Variants in DAB1 observed in about 807,000 individuals in gnomAD.
The protein encoded by DAB1 is DAB adaptor protein 1.
A neutral mutation model predicts 64.6 loss-of-function variants in DAB1; 15 were observed. The ratio of observed to expected loss-of-function variants is 0.23; its 90% confidence interval spans 0.16 to 0.36. The LOEUF is 0.36. Ranked by LOEUF, DAB1 falls within the 10% of genes least tolerant of loss-of-function variation. DAB1 has a pLI of 1.00. For missense variants in DAB1, 596 were observed against 706.7 expected, an observed-to-expected ratio of 0.84 and a Z score of 1.78; for synonymous variants, 235 against 251.9, an observed-to-expected ratio of 0.93 and a Z score of 0.64.
At chr1:57,993,474 G>A (rs947316543) in intron 5 of DAB1, among the ~76,000 whole-genome samples, 5 of 152,100 alleles carry the variant, frequency 3.3e-5, no homozygotes, top group Non-Finnish European at 5.9e-5. Flanking sequence ...ATTCATTTCT[G>A]TAGCTGTTGA....
At chr1:57,305,117 G>A (rs192526347) in intron 1 of DAB1, among the ~76,000 whole-genome samples, 4 of 152,270 alleles carry the variant, frequency 2.6e-5, no homozygotes, top group East Asian at 3.9e-4. Context: ...ATATTTACAC[G>A]TGAGTGGGCT....
chr1:57,090,196 A>G (rs1019775913), intron 4 of DAB1, among the ~76,000 whole-genome samples: 1 of 152,200 alleles, frequency 6.6e-6, no homozygotes, highest in Non-Finnish European at 1.5e-5. Flanking sequence ...AGATGTGCTA[A>G]AAATACAGCT....
At chr1:57,492,008 A>G (rs898051100) in intron 7 of DAB1, among the ~76,000 whole-genome samples, 1 of 152,212 alleles carries the variant, frequency 6.6e-6, no homozygotes, top group Non-Finnish European at 1.5e-5. Context: ...TGGAGCAGAG[A>G]ATGAGTGTTG....
chr1:58,179,482 G>C (rs1656663408), intron 4 of DAB1, among the ~76,000 whole-genome samples: 1 of 152,054 alleles, frequency 6.6e-6, no homozygotes, highest in South Asian at 2.1e-4. Context: ...TTCTTTGTCA[G>C]AAAATCTTTA....
intron 5 of DAB1, among the ~76,000 whole-genome samples, chr1:58,018,591 T>C (rs1646775457): frequency 6.6e-6 from 1 of 152,208 alleles, no homozygotes; most frequent in Non-Finnish European, 1.5e-5. Context: ...CTTAGAGATT[T>C]ATCTGGCAAG....
intron 7 of DAB1, among the ~76,000 whole-genome samples, chr1:57,515,043 C>T (rs1382053711): frequency 6.6e-5 from 10 of 151,770 alleles, no homozygotes; most frequent in Non-Finnish European, 8.8e-5. Flanking sequence ...AGAACGGAAA[C>T]GAAGGTATAT....
intron 6 of DAB1, among the ~76,000 whole-genome samples, chr1:57,665,879 GTGTGTTTGCGTGTGCATGTGTGTGTT>G (rs1047300953): frequency 2.0e-5 from 3 of 149,264 alleles, no homozygotes; most frequent in African/African-American, 7.5e-5. Context: ...GTGTGTGTGT[GTGTGTTTGCGTGTGCATGTGTGTGTT>G]TTTCAAATTT....
intron 6 of DAB1, among the ~76,000 whole-genome samples, chr1:57,717,746 G>GTA (rs749278886): frequency 9.2e-5 from 14 of 151,784 alleles, no homozygotes; most frequent in African/African-American, 2.9e-4. Flanking sequence ...ACATATATGT[G>GTA]TATATATATA....
intron 2 of DAB1, among the ~76,000 whole-genome samples, chr1:57,209,102 T>C (rs529879642): frequency 6.6e-6 from 1 of 152,298 alleles, no homozygotes; most frequent in East Asian, 1.9e-4. Context: ...TTAGTAAATA[T>C]GTGATGGAGG....
intron 4 of DAB1, among the ~76,000 whole-genome samples, chr1:57,093,458 C>T (rs1301413296): frequency 2.0e-5 from 3 of 152,060 alleles, no homozygotes. Context: ...CTTATCTACC[C>T]TGCAATGTGA....
intron 7 of DAB1, among the ~76,000 whole-genome samples, chr1:57,444,571 T>C (rs35089045): frequency 0.04 from 6,046 of 152,250 alleles, 149 homozygotes; most frequent in Middle Eastern, 0.11. Flanking sequence ...GTTAGGATCA[T>C]GAGATGAGGA....
intron 5 of DAB1, among the ~76,000 whole-genome samples, chr1:58,046,814 GGGGAT>G (rs1239805571): frequency 1.3e-5 from 2 of 152,148 alleles, no homozygotes; most frequent in Non-Finnish European, 2.9e-5. Context: ...CACTGGTGCT[GGGGAT>G]AGAGGGATGG....
At chr1:58,227,342 C>T (rs1304900986) in intron 4 of DAB1, among the ~76,000 whole-genome samples, 1 of 152,168 alleles carries the variant, frequency 6.6e-6, no homozygotes, top group African/African-American at 2.4e-5. Flanking sequence ...GGAAGCAAAA[C>T]TCCAGTGGGC....
intron 7 of DAB1, among the ~76,000 whole-genome samples, chr1:57,512,783 A>T (rs996855857): frequency 1.3e-5 from 2 of 152,148 alleles, no homozygotes; most frequent in Non-Finnish European, 2.9e-5. Context: ...GTTAAAAGCA[A>T]ATGAGGAGGT....
At chr1:57,575,378 T>G (rs1302202553) in intron 7 of DAB1, among the ~76,000 whole-genome samples, 1 of 152,176 alleles carries the variant, frequency 6.6e-6, no homozygotes, top group Admixed American at 6.5e-5. Flanking sequence ...CAAAATCTCC[T>G]AAAAGCCCTG....
intron 4 of DAB1, among the ~76,000 whole-genome samples, chr1:58,176,007 C>A (rs1387449398): frequency 6.6e-6 from 1 of 152,256 alleles, no homozygotes; most frequent in African/African-American, 2.4e-5. Flanking sequence ...TGGGCTCACA[C>A]TCCACATTCT....
At chr1:58,275,623 T>A (rs1249530626) in intron 4 of DAB1, among the ~76,000 whole-genome samples, 1 of 152,178 alleles carries the variant, frequency 6.6e-6, no homozygotes, top group Non-Finnish European at 1.5e-5. Flanking sequence ...GATAGCAACT[T>A]ATACTCATTT....
chr1:57,910,895 A>C (rs1644633701), intron 5 of DAB1, among the ~76,000 whole-genome samples: 1 of 152,198 alleles, frequency 6.6e-6, no homozygotes, highest in African/African-American at 2.4e-5. Context: ...CAACCCTTTC[A>C]GCTACTGTCT....
intron 2 of DAB1, among the ~76,000 whole-genome samples, chr1:57,208,251 A>C (rs1227529866): frequency 1.3e-5 from 2 of 152,220 alleles, no homozygotes; most frequent in South Asian, 2.1e-4. Flanking sequence ...GTCATATGTC[A>C]AGGGCTGCTC....
Sources: allele counts gnomAD v4.1 joint callset (sites outside exome capture counted in the v4.1 genomes callset), GRCh38; gene constraint gnomAD v4.1.1; transcripts MANE v1.5; gene names NCBI Gene and HGNC (gene_info 2026-07-23, HGNC 2026-07-21).